Variants in BRINP3 observed in about 807,000 individuals in gnomAD.
BRINP3 encodes BMP/retinoic acid inducible neural specific 3.
A neutral mutation model predicts 71.0 loss-of-function variants in BRINP3; 19 were observed. The observed-to-expected ratio is 0.27, with a 90% CI of 0.19 to 0.39. The LOEUF is 0.39. BRINP3 is among the 10% of genes least tolerant of loss of function. The probability of loss-of-function intolerance (pLI) is 1.00; values close to 1 mark genes in which losing one functional copy is unlikely to be tolerated. For missense variants in BRINP3, 959 were observed against 940.8 expected (o/e 1.02, Z -0.25); for synonymous variants, 380 against 337.7 (o/e 1.13, Z -1.37).
At chr1:190,133,321 A>G (rs1654697002) in intron 7 of BRINP3, among the ~76,000 whole-genome samples, 2 of 152,162 alleles carry the variant, frequency 1.3e-5, no homozygotes, top group African/African-American at 4.8e-5. Context: ...TAAATGATTA[A>G]TTTAACAAAT....
chr1:190,386,886 C>G (rs1662095), intron 2 of BRINP3, among the ~76,000 whole-genome samples: 54,931 of 151,502 alleles, frequency 0.36, 10,954 homozygotes, highest in Admixed American at 0.49. Flanking sequence ...TTCTTTTGTT[C>G]TCTAATTTTA....
chr1:190,167,228 A>G (rs914338714), intron 6 of BRINP3, among the ~76,000 whole-genome samples: 5 of 152,196 alleles, frequency 3.3e-5, no homozygotes, highest in Non-Finnish European at 7.3e-5. Flanking sequence ...ATACAGGTAC[A>G]GATACCAGAA....
At chr1:190,360,667 AT>A (rs1002215209) in intron 2 of BRINP3, among the ~76,000 whole-genome samples, 28 of 150,476 alleles carry the variant, frequency 1.9e-4, no homozygotes, top group Non-Finnish European at 2.8e-4. Flanking sequence ...AATGGCATTG[AT>A]TTTTTTTTTA....
chr1:190,390,329 T>A (rs948315697), intron 2 of BRINP3, among the ~76,000 whole-genome samples: 7 of 151,660 alleles, frequency 4.6e-5, no homozygotes, highest in Admixed American at 3.3e-4. Context: ...AAATTAAAAA[T>A]TATGAAGCAA....
intron 6 of BRINP3, among the ~76,000 whole-genome samples, chr1:190,201,323 A>C (rs1240765560): frequency 6.6e-6 from 1 of 151,926 alleles, no homozygotes; most frequent in East Asian, 1.9e-4. Context: ...AGTATCTGGC[A>C]GAAGAAATTC....
intron 6 of BRINP3, among the ~76,000 whole-genome samples, chr1:190,202,112 G>C (rs1655060580): frequency 6.6e-6 from 1 of 152,072 alleles, no homozygotes; most frequent in African/African-American, 2.4e-5. Context: ...AGGTGGGAGG[G>C]AGACTGTACT....
At chr1:190,386,767 TC>T (rs1670939055) in intron 2 of BRINP3, among the ~76,000 whole-genome samples, 1 of 152,000 alleles carries the variant, frequency 6.6e-6, no homozygotes, top group Non-Finnish European at 1.5e-5. Context: ...AATATATAGT[TC>T]ATGGAATTAC....
At chr1:190,153,544 G>A (rs1418803) in intron 7 of BRINP3, among the ~76,000 whole-genome samples, 92,164 of 151,986 alleles carry the variant, frequency 0.61, 29,391 homozygotes, top group African/African-American at 0.83. Context: ...CCTGAAACTA[G>A]AAAAATAAAA....
chr1:190,163,726 GACT>G (rs1171778004), intron 6 of BRINP3, among the ~76,000 whole-genome samples: 1 of 151,942 alleles, frequency 6.6e-6, no homozygotes, highest in Non-Finnish European at 1.5e-5. Context: ...TAACTCTCTG[GACT>G]ACTACTACTT....
intron 2 of BRINP3, among the ~76,000 whole-genome samples, chr1:190,352,978 C>A (rs969547681): frequency 6.6e-6 from 1 of 151,068 alleles, no homozygotes; most frequent in Non-Finnish European, 1.5e-5. Flanking sequence ...CTACCAGACA[C>A]ATGGGTGTTT....
intron 2 of BRINP3, among the ~76,000 whole-genome samples, chr1:190,291,373 G>A (rs1038537897): frequency 6.6e-6 from 1 of 151,498 alleles, no homozygotes; most frequent in South Asian, 2.1e-4. Flanking sequence ...AAACAACAAA[G>A]GAAATAATAT....
chr1:190,352,964 GCTT>G (rs1668494067), intron 2 of BRINP3, among the ~76,000 whole-genome samples: 1 of 151,060 alleles, frequency 6.6e-6, no homozygotes. Context: ...AACATACAGA[GCTT>G]CTACCAGACA....
chr1:190,117,669 C>T (rs1043359456), intron 7 of BRINP3, among the ~76,000 whole-genome samples: 2 of 151,946 alleles, frequency 1.3e-5, no homozygotes, highest in Admixed American at 6.6e-5. Context: ...AGGATATTAA[C>T]TTACAGAATC....
chr1:190,170,480 T>G (rs1651917081), intron 6 of BRINP3, among the ~76,000 whole-genome samples: 1 of 152,218 alleles, frequency 6.6e-6, no homozygotes, highest in African/African-American at 2.4e-5. Context: ...TACAGACTAG[T>G]TCATGTGGAA....
intron 2 of BRINP3, among the ~76,000 whole-genome samples, chr1:190,322,828 A>G (rs1391684598): frequency 6.6e-6 from 1 of 152,120 alleles, no homozygotes; most frequent in Non-Finnish European, 1.5e-5. Flanking sequence ...TAACCAAATC[A>G]CCATCATCAT....
chr1:190,105,693 A>G (rs1652091640), intron 7 of BRINP3, among the ~76,000 whole-genome samples: 2 of 152,070 alleles, frequency 1.3e-5, no homozygotes, highest in Admixed American at 1.3e-4. Context: ...AATTCAAATA[A>G]TTTATTATTT....
chr1:190,109,272 T>C (rs940131088), intron 7 of BRINP3, among the ~76,000 whole-genome samples: 2 of 152,190 alleles, frequency 1.3e-5, no homozygotes, highest in Non-Finnish European at 2.9e-5. Context: ...ACATATGATA[T>C]GTAGATTAAA....
intron 1 of BRINP3, among the ~76,000 whole-genome samples, chr1:190,466,380 A>G (rs1242436715): frequency 2.0e-5 from 3 of 151,896 alleles, no homozygotes; most frequent in South Asian, 2.1e-4. Flanking sequence ...CTGTTTACTT[A>G]GAAGTTATTT....
intron 2 of BRINP3, among the ~76,000 whole-genome samples, chr1:190,295,418 G>T (rs1664174555): frequency 6.6e-6 from 1 of 151,322 alleles, no homozygotes. Flanking sequence ...AGTGATCTGG[G>T]CACTCTAATG....
Sources: gnomAD v4.1 joint callset for allele counts (sites outside exome capture counted in the v4.1 genomes callset) on GRCh38, gnomAD v4.1.1 for gene constraint, MANE v1.5 for transcripts, NCBI Gene and HGNC (gene_info 2026-07-23, HGNC 2026-07-21) for gene names.